The following MLLT3 variants were observed in gnomAD, a reference collection of about 807,000 sequenced individuals.
MLLT3 encodes the protein protein AF-9.
A neutral mutation model predicts 53.2 loss-of-function variants in MLLT3; 4 were observed. The ratio of observed to expected loss-of-function variants is 0.08; its 90% CI spans 0.04 to 0.17. The LOEUF (loss-of-function observed/expected upper bound fraction) is 0.17. Ranked by LOEUF, MLLT3 falls within the 10% of genes least tolerant of loss-of-function variation. The probability of loss-of-function intolerance (pLI) is 1.00; values close to 1 mark genes in which losing one functional copy is unlikely to be tolerated. For synonymous variants in MLLT3, 283 were observed against 230.6 expected, an observed-to-expected ratio of 1.23 and a Z score of -2.06; for missense variants, 569 against 684.0, an observed-to-expected ratio of 0.83 and a Z score of 1.87.
chr9:20,341,678 A>G lies in MLLT3; in HGVS notation c.*4765T>C. 1 of 180,650 alleles carries G rather than the reference A, an allele frequency of 5.5e-6. No homozygotes were observed. The highest frequency in any genetic ancestry group is 6.3e-5 in the Admixed American group (1 of 15,910). The allele number at this position is 180,650 out of a possible 1,614,324, so 11.2% of individuals were successfully genotyped here. ...ACATCCAATTCCTTGGTTATTTACCAAACTGAATGTATTTTATTCTCTTTG... is the reference window on the plus strand; with the variant it reads ...ACATCCAATTCCTTGGTTATTTACCGAACTGAATGTATTTTATTCTCTTTG... On this transcript the variant is annotated 3_prime_UTR_variant, in exon 11 of 11. Coordinates refer to ENST00000380338, the MANE Select transcript of MLLT3 (RefSeq NM_004529.4).
chr9:20,347,498 C>T (rs776488848), intron 10 of MLLT3, among the ~76,000 whole-genome samples: 37 of 152,180 alleles, frequency 2.4e-4, no homozygotes, highest in Non-Finnish European at 4.3e-4. Flanking sequence ...GTTACTATTA[C>T]TCTTGCCCTG....
intron 1 of MLLT3, 130 bp downstream of exon 1, chr9:20,622,115 C>G: frequency 9.1e-7 from 1 of 1,100,172 alleles, no homozygotes; most frequent in Non-Finnish European, 1.3e-6. Context: ...GAGGCGGCAG[C>G]TCCCTGCAAG....
chr9:20,622,406 C>CTG lies in MLLT3; in HGVS notation c.-151_-150insCA, dbSNP rs1241460860. The CTG allele has an allele frequency of 1.4e-6, 1 of 717,558 alleles. No individual in the cohort carries two copies. The highest frequency in any genetic ancestry group is 1.8e-5 in the African/African-American group (1 of 54,254). The allele number at this position is 717,558 out of a possible 1,614,324, so 44.4% of individuals were successfully genotyped here. ...GCGGACATTCTCTGCCTTTTTCCCCCCGCGCTCGCTTGCTCGCTCGCTCGC... is the reference window on the plus strand; with the variant it reads ...GCGGACATTCTCTGCCTTTTTCCCCCTGCGCGCTCGCTTGCTCGCTCGCTCGC... On this transcript the variant is annotated 5_prime_UTR_variant, in exon 1 of 11. Transcript: ENST00000380338.
At chr9:20,508,694 T>TA (rs370550904) in intron 2 of MLLT3, among the ~76,000 whole-genome samples, 4 of 151,934 alleles carry the variant, frequency 2.6e-5, no homozygotes, top group African/African-American at 4.8e-5. Flanking sequence ...AATAAATTCA[T>TA]AAAAAAAAGT....
chr9:20,601,285 A>G (rs1397670946), intron 2 of MLLT3, among the ~76,000 whole-genome samples: 1 of 152,220 alleles, frequency 6.6e-6, no homozygotes, highest in Non-Finnish European at 1.5e-5. Context: ...TGGCTTCCAG[A>G]TCAAAAATAG....
At chr9:20,479,144 A>G (rs1824600187) in intron 2 of MLLT3, among the ~76,000 whole-genome samples, 1 of 152,142 alleles carries the variant, frequency 6.6e-6, no homozygotes. Flanking sequence ...ACGATTTAAA[A>G]TGGTTTCCTT....
intron 4 of MLLT3, among the ~76,000 whole-genome samples, chr9:20,425,135 G>C (rs913341357): frequency 6.6e-6 from 1 of 152,162 alleles, no homozygotes; most frequent in Non-Finnish European, 1.5e-5. Flanking sequence ...TCCATAGTTG[G>C]TGAGCCAACT....
intron 2 of MLLT3, among the ~76,000 whole-genome samples, chr9:20,515,457 T>A (rs1817886456): frequency 6.6e-6 from 1 of 152,142 alleles, no homozygotes; most frequent in Admixed American, 6.5e-5. Context: ...CCTCTTGGGC[T>A]TGAAGCCAAC....
At chr9:20,550,419 CTG>C (rs60452994) in intron 2 of MLLT3, among the ~76,000 whole-genome samples, 2 of 151,936 alleles carry the variant, frequency 1.3e-5, no homozygotes, top group Admixed American at 6.6e-5. Flanking sequence ...ATTCGTTTCA[CTG>C]TGTGTGTGTG....
intron 3 of MLLT3, among the ~76,000 whole-genome samples, chr9:20,455,122 A>G (rs777872784): frequency 1.3e-5 from 2 of 152,260 alleles, no homozygotes; most frequent in Non-Finnish European, 2.9e-5. Flanking sequence ...GAGCACTTCA[A>G]TATGAAAGTA....
intron 5 of MLLT3, among the ~76,000 whole-genome samples, chr9:20,380,578 T>A (rs1468775015): frequency 2.0e-5 from 3 of 152,032 alleles, no homozygotes; most frequent in African/African-American, 7.2e-5. Flanking sequence ...CAAATATGGA[T>A]GCTTTTAAAA....
chr9:20,539,464 A>G (rs1372171658), intron 2 of MLLT3, among the ~76,000 whole-genome samples: 1 of 152,198 alleles, frequency 6.6e-6, no homozygotes, highest in African/African-American at 2.4e-5. Context: ...CAGGAAACTT[A>G]CAATCATGGC....
chr9:20,555,440 C>T (rs1819033205), intron 2 of MLLT3, among the ~76,000 whole-genome samples: 1 of 152,122 alleles, frequency 6.6e-6, no homozygotes, highest in South Asian at 2.1e-4. Context: ...AGCCACCAGA[C>T]CCAGGCTGCA....
chr9:20,518,029 T>C (rs1042382290), intron 2 of MLLT3, among the ~76,000 whole-genome samples: 6 of 152,118 alleles, frequency 3.9e-5, no homozygotes, highest in South Asian at 2.1e-4. Flanking sequence ...TCATGAAGCA[T>C]AGTGCTATGA....
chr9:20,354,728 C>A, intron 9 of MLLT3, 80 bp downstream of exon 9: 1 of 919,566 alleles, frequency 1.1e-6, no homozygotes, highest in Non-Finnish European at 1.8e-6. Context: ...GGAGAACCAG[C>A]AAGGATGATC....
At chr9:20,594,780 A>G (rs910182876) in intron 2 of MLLT3, among the ~76,000 whole-genome samples, 6 of 152,156 alleles carry the variant, frequency 3.9e-5, no homozygotes, top group African/African-American at 1.4e-4. Flanking sequence ...TAGCATGGTA[A>G]AAGACACTCC....
chr9:20,411,763 T>C (rs556423242), intron 5 of MLLT3: 1 of 152,314 alleles, frequency 6.6e-6, no homozygotes, highest in Admixed American at 6.5e-5. Context: ...TTATAAATCA[T>C]ATATAAATGG....
At chr9:20,442,439 C>G (rs1157686907) in intron 4 of MLLT3, among the ~76,000 whole-genome samples, 1 of 152,082 alleles carries the variant, frequency 6.6e-6, no homozygotes, top group Non-Finnish European at 1.5e-5. Flanking sequence ...TACTGGTGTC[C>G]TAGAGGAAAA....
intron 4 of MLLT3, among the ~76,000 whole-genome samples, chr9:20,424,283 T>TTGA (rs1823087599): frequency 6.6e-6 from 1 of 152,196 alleles, no homozygotes; most frequent in Admixed American, 6.6e-5. Context: ...TATTTTTAAG[T>TTGA]TGATAAACTT....
Sources: gnomAD v4.1 joint callset for allele counts (sites outside exome capture counted in the v4.1 genomes callset) on GRCh38, gnomAD v4.1.1 for gene constraint, MANE v1.5 for transcripts, NCBI Gene and HGNC (gene_info 2026-07-23, HGNC 2026-07-21) for gene names.